The following MLLT3 variants were observed in gnomAD, a reference collection of about 807,000 sequenced individuals.
MLLT3 encodes the protein protein AF-9.
A neutral mutation model predicts 53.2 loss-of-function variants in MLLT3; 4 were observed. The ratio of observed to expected loss-of-function variants is 0.08; its 90% CI spans 0.04 to 0.17. The LOEUF is 0.17. Ranked by LOEUF, MLLT3 falls within the 10% of genes least tolerant of loss-of-function variation. The pLI is 1.00. For missense variants in MLLT3, 569 were observed against 684.0 expected (o/e 0.83, Z 1.87); for synonymous variants, 283 against 230.6 (o/e 1.23, Z -2.06).
intron 2 of MLLT3, among the ~76,000 whole-genome samples, chr9:20,460,196 C>T (rs568935702): frequency 2.4e-4 from 37 of 152,316 alleles, no homozygotes; most frequent in African/African-American, 8.9e-4. Flanking sequence ...AGAGTCTCTT[C>T]TCTCACTGCA....
intron 2 of MLLT3, among the ~76,000 whole-genome samples, chr9:20,544,549 C>A (rs1262690410): frequency 2.0e-5 from 3 of 152,140 alleles, no homozygotes; most frequent in Non-Finnish European, 4.4e-5. Flanking sequence ...ATCTTTTCCA[C>A]GTAGGATGGC....
rs568081751 is a variant in MLLT3 at position 20,456,887 on chromosome 9, C to T, written c.194-101G>A. ...CCCATTCTACCATCTAGATCACACGCAATTTTCATAGCCCCTTGCCAAACT... is the reference window on the plus strand; with the variant it reads ...CCCATTCTACCATCTAGATCACACGTAATTTTCATAGCCCCTTGCCAAACT... On this transcript the variant is annotated intron_variant, in intron 2 of 10. Coordinates refer to ENST00000380338, the MANE Select transcript of MLLT3 (RefSeq NM_004529.4). 26 of 819,184 alleles carry T rather than the reference C, an allele frequency of 3.2e-5. No individual in the cohort carries two copies. In the African/African-American group the frequency reaches 4.4e-4, roughly 14 times the overall value. 50.7% of individuals were successfully genotyped at this position (819,184 alleles called of 1,614,324 possible).
At chr9:20,525,151 G>A (rs1018658263) in intron 2 of MLLT3, among the ~76,000 whole-genome samples, 3 of 149,706 alleles carry the variant, frequency 2.0e-5, no homozygotes, top group East Asian at 1.9e-4. Flanking sequence ...AAAAAACAGA[G>A]GCGTGAAAAA....
At chr9:20,447,336 T>A (rs145616727) in intron 4 of MLLT3, among the ~76,000 whole-genome samples, 364 of 152,274 alleles carry the variant, frequency 2.4e-3, no homozygotes, top group Non-Finnish European at 4.0e-3. Flanking sequence ...GTGAAGATGA[T>A]CCTGGAGAAA....
At chr9:20,372,398 T>C (rs1821628840) in intron 5 of MLLT3, among the ~76,000 whole-genome samples, 1 of 151,924 alleles carries the variant, frequency 6.6e-6, no homozygotes, top group African/African-American at 2.4e-5. Context: ...TCTTATTTTC[T>C]TTCTTTCTTT....
At chr9:20,501,926 C>A (rs10964581) in intron 2 of MLLT3, among the ~76,000 whole-genome samples, 1 of 151,390 alleles carries the variant, frequency 6.6e-6, no homozygotes, top group African/African-American at 2.4e-5. Context: ...ACTAAAAATA[C>A]AAAAATTAGC....
At chr9:20,415,539 T>G (rs1316695726) in intron 4 of MLLT3, 1 of 515,372 alleles carries the variant, frequency 1.9e-6, no homozygotes, top group Non-Finnish European at 2.5e-6. Context: ...CTTTCTTGCT[T>G]ACTTCCACTT....
At chr9:20,475,051 T>A (rs1824486457) in intron 2 of MLLT3, among the ~76,000 whole-genome samples, 1 of 151,994 alleles carries the variant, frequency 6.6e-6, no homozygotes. Context: ...AGTAATGGCA[T>A]GAGAAATGGC....
chr9:20,621,209 G>A lies in MLLT3; in HGVS notation c.13-375C>T, dbSNP rs1415623279. 6.6e-6 allele frequency among the ~76,000 whole-genome samples: 1 copy of A among 152,210 alleles called. No individual in the cohort carries two copies. Among genetic ancestry groups the A allele is most frequent in the East Asian group, 1.9e-4 (1 of 5,164 alleles). ...ATGCCGGGGCGGTTTCCCGGCGTGGGAGGGGAGGTGGCTGGGACCCAGGGG... is the reference window on the plus strand; with the variant it reads ...ATGCCGGGGCGGTTTCCCGGCGTGGAAGGGGAGGTGGCTGGGACCCAGGGG... On this transcript the variant is annotated intron_variant, in intron 1 of 10. Transcript: ENST00000380338. The surrounding 1 kb of genome is among the most constrained non-coding windows in gnomAD (Gnocchi z 7.0).
chr9:20,608,449 A>G (rs1587128046), intron 2 of MLLT3, among the ~76,000 whole-genome samples: 1 of 152,006 alleles, frequency 6.6e-6, no homozygotes, highest in Non-Finnish European at 1.5e-5. Context: ...ACACATGGGT[A>G]TCTTTCTGTT....
intron 2 of MLLT3, among the ~76,000 whole-genome samples, chr9:20,507,845 G>C (rs1444146641): frequency 2.7e-5 from 4 of 149,512 alleles, no homozygotes; most frequent in Non-Finnish European, 4.4e-5. Flanking sequence ...GAAAAGGAAA[G>C]GTACTCTTCA....
chr9:20,561,129 G>A (rs1819198996), intron 2 of MLLT3, among the ~76,000 whole-genome samples: 1 of 152,050 alleles, frequency 6.6e-6, no homozygotes, highest in Admixed American at 6.6e-5. Flanking sequence ...ACACATGCAT[G>A]CACGCACACA....
chr9:20,480,261 TG>T (rs1363235646), intron 2 of MLLT3, among the ~76,000 whole-genome samples: 22 of 152,322 alleles, frequency 1.4e-4, no homozygotes, highest in African/African-American at 4.8e-4. Context: ...ACAAACTTGT[TG>T]GGGCTTCCTG....
intron 2 of MLLT3, among the ~76,000 whole-genome samples, chr9:20,607,954 G>C (rs1280721708): frequency 6.6e-6 from 1 of 151,776 alleles, no homozygotes; most frequent in Non-Finnish European, 1.5e-5. Context: ...AAAACCTCTA[G>C]TTATTTTTGT....
At chr9:20,396,136 C>T (rs1388092435) in intron 5 of MLLT3, among the ~76,000 whole-genome samples, 1 of 151,142 alleles carries the variant, frequency 6.6e-6, no homozygotes, top group Non-Finnish European at 1.5e-5. Flanking sequence ...GGATAAAATG[C>T]CTACTATAAA....
At chr9:20,409,151 T>C (rs902654580) in intron 5 of MLLT3, among the ~76,000 whole-genome samples, 1 of 152,216 alleles carries the variant, frequency 6.6e-6, no homozygotes, top group African/African-American at 2.4e-5. Flanking sequence ...TAAAACTTTT[T>C]ACTTCTTCAC....
intron 2 of MLLT3, among the ~76,000 whole-genome samples, chr9:20,524,607 A>C (rs1818151936): frequency 6.6e-6 from 1 of 152,198 alleles, no homozygotes; most frequent in Non-Finnish European, 1.5e-5. Flanking sequence ...ATTCTCCCAG[A>C]AATAACATTT....
At chr9:20,588,530 T>C (rs1278428768) in intron 2 of MLLT3, among the ~76,000 whole-genome samples, 2 of 152,312 alleles carry the variant, frequency 1.3e-5, no homozygotes, top group African/African-American at 4.8e-5. Flanking sequence ...AGCAGCGGTT[T>C]GTAGTTCTCC....
chr9:20,356,041 T>C (rs1821163249), intron 8 of MLLT3, among the ~76,000 whole-genome samples: 1 of 152,090 alleles, frequency 6.6e-6, no homozygotes, highest in Non-Finnish European at 1.5e-5. Flanking sequence ...AAGGATGAAA[T>C]GGGAGAGATG....
Sources: allele counts gnomAD v4.1 joint callset (sites outside exome capture counted in the v4.1 genomes callset), GRCh38; gene constraint gnomAD v4.1.1; non-coding constraint Gnocchi (gnomAD v3.1); transcripts MANE v1.5; gene names NCBI Gene and HGNC (gene_info 2026-07-23, HGNC 2026-07-21).